POFUT3: variants seen among roughly 807,000 people sequenced by gnomAD.
POFUT3 encodes the protein GDP-fucose protein O-fucosyltransferase 3.
At chr8:33,395,009 C>T in the POFUT3 span, among the ~76,000 whole-genome samples, 1 of 152,166 alleles carries the variant, frequency 6.6e-6, no homozygotes, top group African/African-American at 2.4e-5. Flanking sequence ...TGCTATGCTC[C>T]TTATTGTATG....
the POFUT3 span, among the ~76,000 whole-genome samples, chr8:33,402,323 T>C: frequency 2.0e-5 from 3 of 152,192 alleles, no homozygotes; most frequent in South Asian, 2.1e-4. Flanking sequence ...CAGGTAGATA[T>C]GGAAACTGCC....
the POFUT3 span, among the ~76,000 whole-genome samples, chr8:33,440,991 T>C: frequency 1.3e-5 from 2 of 152,078 alleles, no homozygotes; most frequent in African/African-American, 4.8e-5. Context: ...CTAGATAAGG[T>C]ATATCAAACT....
chr8:33,453,641 T>C, the POFUT3 span: 7 of 802,680 alleles, frequency 8.7e-6, no homozygotes, highest in Non-Finnish European at 1.2e-5. Context: ...CAAACAGTAA[T>C]TTAAAATAAC....
the POFUT3 span, among the ~76,000 whole-genome samples, chr8:33,457,300 T>C: frequency 6.6e-6 from 1 of 151,928 alleles, no homozygotes; most frequent in East Asian, 1.9e-4. Flanking sequence ...ATACAAAAAA[T>C]TAGCTGGGCA....
the POFUT3 span, chr8:33,436,514 C>T: frequency 1.7e-6 from 2 of 1,182,134 alleles, no homozygotes; most frequent in Non-Finnish European, 2.5e-6. Context: ...CTGATGTTTA[C>T]CCCATAAAGC....
chr8:33,425,051 T>A, the POFUT3 span, among the ~76,000 whole-genome samples: 1 of 152,154 alleles, frequency 6.6e-6, no homozygotes, highest in Non-Finnish European at 1.5e-5. Flanking sequence ...GATGAAATGC[T>A]CAGAGGCCGG....
the POFUT3 span, chr8:33,372,649 T>A: frequency 1.9e-6 from 3 of 1,613,964 alleles, no homozygotes; most frequent in South Asian, 3.3e-5. Context: ...GCCACCTTAG[T>A]GCCTGGGCTT....
the POFUT3 span, among the ~76,000 whole-genome samples, chr8:33,437,359 C>T: frequency 1.3e-5 from 2 of 150,660 alleles, no homozygotes; most frequent in Middle Eastern, 3.4e-3. Flanking sequence ...GCATCGGTCA[C>T]ACAGCAGAGG....
At chr8:33,379,844 A>G in the POFUT3 span, among the ~76,000 whole-genome samples, 1 of 44,940 alleles carries the variant, frequency 2.2e-5, no homozygotes, top group African/African-American at 5.8e-5. Context: ...TAAAAAAAAA[A>G]AAATATATAT....
chr8:33,407,545 C>T, the POFUT3 span, among the ~76,000 whole-genome samples: 1 of 151,952 alleles, frequency 6.6e-6, no homozygotes, highest in East Asian at 1.9e-4. Context: ...CATAATATGG[C>T]CTTAATAAAA....
At chr8:33,428,300 A>G in the POFUT3 span, among the ~76,000 whole-genome samples, 1 of 152,236 alleles carries the variant, frequency 6.6e-6, no homozygotes, top group Non-Finnish European at 1.5e-5. Context: ...GGAGAAATCT[A>G]AGCACTGAGT....
the POFUT3 span, among the ~76,000 whole-genome samples, chr8:33,310,155 T>C: frequency 3.9e-5 from 6 of 152,136 alleles, no homozygotes; most frequent in Non-Finnish European, 8.8e-5. Flanking sequence ...AACAGAATCA[T>C]AGAATTCTTC....
chr8:33,335,190 T>TGTGTGTGTGTGTG, the POFUT3 span, among the ~76,000 whole-genome samples: 1 of 151,674 alleles, frequency 6.6e-6, no homozygotes, highest in Non-Finnish European at 1.5e-5. Flanking sequence ...TGTGTGTATC[T>TGTGTGTGTGTGTG]TATACATTTT....
At chr8:33,369,526 T>C in the POFUT3 span, among the ~76,000 whole-genome samples, 1 of 152,232 alleles carries the variant, frequency 6.6e-6, no homozygotes, top group African/African-American at 2.4e-5. Context: ...CTGTTTCTTA[T>C]AAGCCACCCA....
chr8:33,428,131 A>G, the POFUT3 span, among the ~76,000 whole-genome samples: 5 of 152,176 alleles, frequency 3.3e-5, no homozygotes, highest in Non-Finnish European at 5.9e-5. Context: ...TCAAAAAGAA[A>G]AAAAAAATGA....
the POFUT3 span, among the ~76,000 whole-genome samples, chr8:33,442,433 G>A: frequency 0.59 from 87,943 of 150,252 alleles, 25,866 homozygotes; most frequent in African/African-American, 0.63. Context: ...GACTACAGGC[G>A]CCTGCCACCA....
chr8:33,466,589 C>A, the POFUT3 span, among the ~76,000 whole-genome samples: 1 of 152,040 alleles, frequency 6.6e-6, no homozygotes, highest in Non-Finnish European at 1.5e-5. Flanking sequence ...AGCATACAAC[C>A]ATTATCCAGG....
the POFUT3 span, among the ~76,000 whole-genome samples, chr8:33,460,995 A>G: frequency 6.6e-6 from 1 of 152,042 alleles, no homozygotes; most frequent in Non-Finnish European, 1.5e-5. Context: ...TCTATTAATA[A>G]TACAAAAAAT....
At chr8:33,370,928 C>T in the POFUT3 span, 1 of 152,164 alleles carries the variant, frequency 6.6e-6, no homozygotes, top group South Asian at 2.1e-4. Flanking sequence ...AATTCCCTTT[C>T]ATCCTCAATA....
Sources: gnomAD v4.1 joint callset for allele counts (sites outside exome capture counted in the v4.1 genomes callset) on GRCh38, gnomAD v4.1.1 for gene constraint, MANE v1.5 for transcripts, NCBI Gene and HGNC (gene_info 2026-07-23, HGNC 2026-07-21) for gene names.